DPYD: variants seen among roughly 807,000 people sequenced by gnomAD.
The protein encoded by DPYD is dihydropyrimidine dehydrogenase, also known as dihydropyrimidine dehydrogenase [NADP(+)].
In DPYD, 109 loss-of-function variants were observed where a neutral mutation model predicts 116.2. The observed-to-expected ratio is 0.94, with a 90% confidence interval of 0.80 to 1.10. The LOEUF (loss-of-function observed/expected upper bound fraction) is 1.10. DPYD is among the 50% of genes least tolerant of loss of function. DPYD has a pLI of 0.00. For missense variants in DPYD, 1,302 were observed against 1,254.5 expected (o/e 1.04, Z -0.57); for synonymous variants, 440 against 432.0 (o/e 1.02, Z -0.23).
intron 3 of DPYD, among the ~76,000 whole-genome samples, chr1:97,824,565 T>G (rs1297447077): frequency 6.6e-6 from 1 of 152,188 alleles, no homozygotes; most frequent in Non-Finnish European, 1.5e-5. Context: ...CTGAGGGCTC[T>G]CACACTAAAT....
At chr1:97,177,258 T>C (rs1220210697) in intron 20 of DPYD, among the ~76,000 whole-genome samples, 1 of 152,110 alleles carries the variant, frequency 6.6e-6, no homozygotes, top group African/African-American at 2.4e-5. Flanking sequence ...TAGAGAAATA[T>C]GAGAAAAATG....
intron 2 of DPYD, among the ~76,000 whole-genome samples, chr1:97,852,035 A>AAAAG (rs575362285): frequency 5.9e-5 from 9 of 151,430 alleles, no homozygotes; most frequent in African/African-American, 1.9e-4. Context: ...AAAAAAAAAA[A>AAAAG]AAAGAAAGAA....
chr1:97,545,841 C>T, intron 12 of DPYD: 1 of 1,146,628 alleles, frequency 8.7e-7, no homozygotes, highest in Non-Finnish European at 1.3e-6. Flanking sequence ...TTCTGCAGCT[C>T]CCTTACATTG....
intron 4 of DPYD, among the ~76,000 whole-genome samples, chr1:97,724,766 C>A (rs1663138379): frequency 6.6e-6 from 1 of 151,516 alleles, no homozygotes; most frequent in South Asian, 2.1e-4. Flanking sequence ...TACTTGAGCA[C>A]ACAAAGGTTC....
chr1:97,725,383 A>G (rs1571254985), intron 4 of DPYD, among the ~76,000 whole-genome samples: 1 of 151,574 alleles, frequency 6.6e-6, no homozygotes, highest in African/African-American at 2.4e-5. Context: ...TACTATCCAA[A>G]TTTATCTAAA....
At chr1:97,918,386 A>G (rs1674332687) in intron 1 of DPYD, among the ~76,000 whole-genome samples, 1 of 152,162 alleles carries the variant, frequency 6.6e-6, no homozygotes. Flanking sequence ...CCACATTAAT[A>G]TATCTGAAAA....
At chr1:97,665,665 A>G (rs992004627) in intron 8 of DPYD, among the ~76,000 whole-genome samples, 1 of 152,222 alleles carries the variant, frequency 6.6e-6, no homozygotes, top group Non-Finnish European at 1.5e-5. Flanking sequence ...TTTCTTATTC[A>G]GTATTCAGAT....
intron 8 of DPYD, among the ~76,000 whole-genome samples, chr1:97,596,744 C>T (rs1486861572): frequency 6.6e-6 from 1 of 152,102 alleles, no homozygotes; most frequent in East Asian, 1.9e-4. Flanking sequence ...CTGTGGGTTG[C>T]CTGTAATCAG....
At chr1:97,857,111 G>A (rs1412666535) in intron 2 of DPYD, among the ~76,000 whole-genome samples, 1 of 151,964 alleles carries the variant, frequency 6.6e-6, no homozygotes, top group African/African-American at 2.4e-5. Flanking sequence ...CAACAAGAAG[G>A]GTCTCAATAC....
At chr1:97,369,176 G>C (rs1671188985) in intron 16 of DPYD, among the ~76,000 whole-genome samples, 1 of 152,088 alleles carries the variant, frequency 6.6e-6, no homozygotes, top group Non-Finnish European at 1.5e-5. Flanking sequence ...TTACAGAATT[G>C]GTTATAAAAC....
intron 21 of DPYD, among the ~76,000 whole-genome samples, chr1:97,093,879 T>C (rs1010975962): frequency 1.3e-5 from 2 of 152,012 alleles, no homozygotes; most frequent in African/African-American, 4.8e-5. Context: ...GATATCTTAA[T>C]ATATTGTTTA....
At chr1:97,547,111 G>A (rs746758499) in intron 12 of DPYD, among the ~76,000 whole-genome samples, 4 of 152,122 alleles carry the variant, frequency 2.6e-5, no homozygotes, top group Non-Finnish European at 4.4e-5. Flanking sequence ...ATATAACTAG[G>A]CAGTGGCAGT....
intron 2 of DPYD, among the ~76,000 whole-genome samples, chr1:97,877,330 AT>A (rs1460355802): frequency 1.3e-5 from 2 of 152,028 alleles, no homozygotes; most frequent in African/African-American, 4.8e-5. Context: ...ACCAACCCTC[AT>A]AAAACTTAGG....
intron 11 of DPYD, among the ~76,000 whole-genome samples, chr1:97,559,772 G>T (rs1652007697): frequency 6.6e-6 from 1 of 151,954 alleles, no homozygotes; most frequent in African/African-American, 2.4e-5. Flanking sequence ...TCTTTATATA[G>T]AGAACTAGCT....
chr1:97,822,499 T>G (rs1358947933), intron 3 of DPYD, among the ~76,000 whole-genome samples: 1 of 151,200 alleles, frequency 6.6e-6, no homozygotes, highest in Admixed American at 6.6e-5. Context: ...CCTGTAAAAT[T>G]TGTTCAGGGT....
chr1:97,650,668 C>T (rs80215295), intron 8 of DPYD, among the ~76,000 whole-genome samples: 11,142 of 152,112 alleles, frequency 0.073, 604 homozygotes, highest in Non-Finnish European at 0.097. Context: ...CAGATAGAAA[C>T]ATCTCATAAA....
intron 16 of DPYD, 30 bp from the exon 17 acceptor site, chr1:97,306,327 C>A (rs1477392839): frequency 1.2e-6 from 2 of 1,611,136 alleles, no homozygotes; most frequent in Non-Finnish European, 1.7e-6. Context: ...AAATATAGAA[C>A]AAAATTAAAG....
At chr1:97,257,531 A>T (rs1401496015) in intron 18 of DPYD, among the ~76,000 whole-genome samples, 1 of 151,122 alleles carries the variant, frequency 6.6e-6, no homozygotes, top group Non-Finnish European at 1.5e-5. Context: ...GTGCATATGT[A>T]TATGTGTGTG....
At chr1:97,844,424 C>T (rs1224866349) in intron 2 of DPYD, among the ~76,000 whole-genome samples, 7 of 152,110 alleles carry the variant, frequency 4.6e-5, no homozygotes, top group Non-Finnish European at 1.0e-4. Context: ...CATCCCCTAT[C>T]CTAGGAGAAG....
Sources: allele counts gnomAD v4.1 joint callset (sites outside exome capture counted in the v4.1 genomes callset), GRCh38; gene constraint gnomAD v4.1.1; transcripts MANE v1.5; gene names NCBI Gene and HGNC (gene_info 2026-07-23, HGNC 2026-07-21).